BRD8: variants seen among roughly 807,000 people sequenced by gnomAD.
The protein encoded by BRD8 is bromodomain containing 8.
A neutral mutation model predicts 143.1 loss-of-function variants in BRD8; 67 were observed. That is an observed-to-expected ratio of 0.47 (90% CI 0.38 to 0.57). The LOEUF (loss-of-function observed/expected upper bound fraction) is 0.57. Ranked by LOEUF, BRD8 falls within the 20% of genes least tolerant of loss-of-function variation. The probability of loss-of-function intolerance (pLI) is 0.00; values close to 1 mark genes in which losing one functional copy is unlikely to be tolerated. For missense variants in BRD8, 1,103 were observed against 1,503.0 expected, an observed-to-expected ratio of 0.73 and a Z score of 4.40; for synonymous variants, 505 against 517.1, an observed-to-expected ratio of 0.98 and a Z score of 0.32.
chr5:138,174,316 C>T (rs576711170), intron 2 of BRD8, among the ~76,000 whole-genome samples: 9 of 152,062 alleles, frequency 5.9e-5, no homozygotes, highest in Admixed American at 2.0e-4. Flanking sequence ...GTGCACTGGC[C>T]GGGTGTCGTA....
intron 2 of BRD8, among the ~76,000 whole-genome samples, chr5:138,173,723 T>C (rs1754076732): frequency 2.0e-5 from 3 of 152,328 alleles, no homozygotes; most frequent in South Asian, 2.1e-4. Context: ...TGCACCATCA[T>C]GCCTGGCTAA....
At chr5:138,157,951 C>CT (rs1304221203) in intron 20 of BRD8, 1 of 152,172 alleles carries the variant, frequency 6.6e-6, no homozygotes, top group Admixed American at 6.6e-5. Flanking sequence ...GTGGTACAGC[C>CT]TGTAGGCAAG....
chr5:138,151,774 C>T (rs2151185989), intron 21 of BRD8, among the ~76,000 whole-genome samples: 1 of 152,358 alleles, frequency 6.6e-6, no homozygotes, highest in Middle Eastern at 3.4e-3. Context: ...AGCGATTCTC[C>T]TGCCTCAGCC....
intron 25 of BRD8, among the ~76,000 whole-genome samples, chr5:138,144,236 A>T (rs1443565949): frequency 2.0e-5 from 3 of 152,164 alleles, no homozygotes; most frequent in African/African-American, 4.8e-5. Context: ...CGCCACCTTT[A>T]AGAGCTGTAA....
rs941704742 is a variant in BRD8 at position 138,160,235 on chromosome 5, C to A, written c.2428-62G>T. ...TGATTTAGTAGGGACAAATTAAGTA[C>A]ACTTTAAGCACTGTAAATAGAACTT... On this transcript the variant is annotated intron_variant, in intron 18 of 26. Coordinates refer to ENST00000254900, the MANE Select transcript of BRD8 (RefSeq NM_139199.2). The A allele has an allele frequency of 9.3e-6, 10 of 1,078,354 alleles. No individual in the cohort carries two copies. The African/African-American group carries it at 1.4e-4, about 15-fold the overall frequency. 66.8% of individuals were successfully genotyped at this position (1,078,354 alleles called of 1,614,324 possible). A position where few individuals can be genotyped will look rare whatever the true frequency, so the allele number is the denominator to read the frequency against.
At chr5:138,171,201 A>G (rs142511886) in intron 4 of BRD8, 41 bp from the exon 5 acceptor site, 46,287 of 1,578,794 alleles carry the variant, frequency 0.029, 841 homozygotes, top group Non-Finnish European at 0.033. Context: ...TTCAAATAAC[A>G]TAACATTTAT....
At chr5:138,149,914 A>G (rs1182865600) in intron 22 of BRD8, 117 bp from the exon 23 acceptor site, 1 of 938,488 alleles carries the variant, frequency 1.1e-6, no homozygotes, top group African/African-American at 1.7e-5. Context: ...AATTACATAA[A>G]GCTACAAAAG....
intron 21 of BRD8, among the ~76,000 whole-genome samples, chr5:138,151,695 G>T (rs1421256595): frequency 7.9e-5 from 12 of 152,116 alleles, no homozygotes; most frequent in African/African-American, 2.9e-4. Context: ...ACGGAGTCTC[G>T]CTCTGTTACC....
chr5:138,158,472 C>T (rs1752754711), intron 20 of BRD8, among the ~76,000 whole-genome samples: 1 of 151,902 alleles, frequency 6.6e-6, no homozygotes, highest in Non-Finnish European at 1.5e-5. Context: ...GAGTTTCACT[C>T]TTGTTGCCCA....
intron 25 of BRD8, among the ~76,000 whole-genome samples, chr5:138,142,732 C>T (rs1220743705): frequency 6.9e-6 from 1 of 144,596 alleles, no homozygotes; most frequent in African/African-American, 2.6e-5. Flanking sequence ...CACTGCACTC[C>T]AGCCTGGTGA....
chr5:138,154,287 T>G (rs1355378960), intron 20 of BRD8, among the ~76,000 whole-genome samples: 1 of 152,212 alleles, frequency 6.6e-6, no homozygotes, highest in African/African-American at 2.4e-5. Context: ...TACACCTCCT[T>G]ATTCCTTAGT....
rs1753814754 is a variant in BRD8, at chr5:138,170,928, G to C, written c.360-16C>G. 6 of 1,613,706 alleles carry C rather than the reference G, an allele frequency of 3.7e-6. No individual in the cohort carries two copies. Among genetic ancestry groups the C allele is most frequent in the Middle Eastern group, 1.6e-4 (1 of 6,062 alleles). On this transcript the variant is annotated splice_polypyrimidine_tract_variant and intron_variant, in intron 5 of 26. Transcript: ENST00000254900. ...CTTTAGCCGTCTATAGGAAGAAAGAGAGGTAGGTAGACTGGGTTTTTTAAT... is the reference window on the plus strand; with the variant it reads ...CTTTAGCCGTCTATAGGAAGAAAGACAGGTAGGTAGACTGGGTTTTTTAAT...
In BRD8 at chr5:138,159,428, A is replaced by G; in HGVS notation, c.2577+127T>C. On this transcript the variant is annotated intron_variant, in intron 20 of 26. Coordinates refer to ENST00000254900, the MANE Select transcript of BRD8 (RefSeq NM_139199.2). ...GAAGAAAAGAGTTTCTTATTCAATGACCTGAATAAACAGAAGTTCAAGACA... is the reference window on the plus strand; with the variant it reads ...GAAGAAAAGAGTTTCTTATTCAATGGCCTGAATAAACAGAAGTTCAAGACA... The G allele has an allele frequency of 3.2e-6, 3 of 952,100 alleles. No individual in the cohort carries two copies. The South Asian group carries it at 4.3e-5, about 14-fold the overall frequency. 59.0% of individuals were successfully genotyped at this position (952,100 alleles called of 1,614,324 possible). A position where few individuals can be genotyped will look rare whatever the true frequency, so the allele number is the denominator to read the frequency against.
rs1189863160 is a variant in BRD8, at chr5:138,169,345, T to C, written c.519A>G (p.Val173=). ...TGGGTAACCTCCGGGGGGGTGTTTTTACTGCTTGACGAGCTAGAACATAAA... is the reference window on the plus strand; with the variant it reads ...TGGGTAACCTCCGGGGGGGTGTTTTCACTGCTTGACGAGCTAGAACATAAA... ...TDAAYQARQA[V]KTPPRRLPTV... The change falls in exon 8 of 27, where the codon GTA becomes GTG. Residue 173 remains valine, a synonymous_variant. Transcript: ENST00000254900. The C allele has an allele frequency of 9.3e-6, 15 of 1,613,816 alleles. No homozygotes were observed. Among genetic ancestry groups the C allele is most frequent in the Non-Finnish European group, 1.2e-5 (14 of 1,179,944 alleles).
intron 25 of BRD8, among the ~76,000 whole-genome samples, chr5:138,143,464 C>A (rs375873779): frequency 6.6e-6 from 1 of 151,914 alleles, no homozygotes; most frequent in East Asian, 1.9e-4. Context: ...CAGAGTGAGA[C>A]CCTGTCTCAA....
chr5:138,178,141 CA>C (rs1376241692), intron 1 of BRD8, among the ~76,000 whole-genome samples: 2 of 151,808 alleles, frequency 1.3e-5, no homozygotes, highest in Admixed American at 6.6e-5. Flanking sequence ...CTTTTCAGTC[CA>C]AAAAAAGAAA....
At chr5:138,158,964 T>A (rs1342123528) in intron 20 of BRD8, among the ~76,000 whole-genome samples, 2 of 151,700 alleles carry the variant, frequency 1.3e-5, no homozygotes. Flanking sequence ...TTGCCGTTTT[T>A]AAATTTTGTA....
At position 138,150,847 on chromosome 5, in the gene BRD8, G is replaced by C. The variant is rs1752347316; in HGVS notation, c.3018C>G (p.Pro1006=). The C allele has an allele frequency of 1.2e-6, 2 of 1,614,160 alleles. No individual in the cohort carries two copies. The highest frequency in any genetic ancestry group is 1.7e-6 in the Non-Finnish European group (2 of 1,180,026). The change falls in exon 22 of 27, where the codon CCC becomes CCG. Residue 1006 remains proline (P), a synonymous_variant. Transcript: ENST00000254900. ...CTCCCAGTGGCTTTTCAGCTACTAA[G>C]GGGTCTCCTTTAGCTGAAAGCTCTT... ...ETEELSAKGD[P]LVAEKPLGEN...
At chr5:138,164,191 T>G (rs560442414) in intron 13 of BRD8, 58 bp from the exon 14 acceptor site, 2 of 1,593,730 alleles carry the variant, frequency 1.3e-6, no homozygotes, top group African/African-American at 2.7e-5. Context: ...CCCCTTCCTA[T>G]GGACCATAAT....
Sources: allele counts gnomAD v4.1 joint callset (sites outside exome capture counted in the v4.1 genomes callset), GRCh38; gene constraint gnomAD v4.1.1; transcripts MANE v1.5; gene names NCBI Gene and HGNC (gene_info 2026-07-23, HGNC 2026-07-21).